The following PEX1 variants were observed in gnomAD, a reference collection of about 807,000 sequenced individuals.
The protein encoded by PEX1 is peroxisomal biogenesis factor 1.
PEX1 carries 97 observed loss-of-function variants against 152.5 expected under a neutral mutation model. That is an observed-to-expected ratio of 0.64 (90% CI 0.54 to 0.75). The LOEUF is 0.75. Ranked by LOEUF, PEX1 falls within the 30% of genes least tolerant of loss-of-function variation. PEX1 has a pLI of 0.00. For missense variants in PEX1, 1,357 were observed against 1,516.3 expected (o/e 0.89, Z 1.74); for synonymous variants, 485 against 531.6 (o/e 0.91, Z 1.21).
At chr7:92,521,625 G>C (rs1435919891) in intron 2 of PEX1, among the ~76,000 whole-genome samples, 2 of 151,782 alleles carry the variant, frequency 1.3e-5, no homozygotes, top group African/African-American at 2.4e-5. Flanking sequence ...AGTAGAGAGG[G>C]GGGGTTTCAC....
intron 10 of PEX1, 88 bp from the exon 11 acceptor site, chr7:92,506,432 T>C (rs1792194177): frequency 2.4e-6 from 2 of 846,516 alleles, no homozygotes; most frequent in Non-Finnish European, 4.1e-6. Flanking sequence ...AGATTCAGCC[T>C]CAATTTTATA....
At chr7:92,527,355 T>C (rs1171121695) in intron 1 of PEX1, among the ~76,000 whole-genome samples, 3 of 152,200 alleles carry the variant, frequency 2.0e-5, no homozygotes, top group African/African-American at 4.8e-5. Context: ...CAGTGACTGA[T>C]TTGTCTCTAG....
In PEX1 at chr7:92,515,830, C is replaced by A. The variant is rs536295295; in HGVS notation, c.1239+1446G>T. ...CCAACATGGTGAAACCTCGTCCCTA[C>A]TAAAAATACAAAAATTAGCCAGGAG... On this transcript the variant is annotated intron_variant, in intron 5 of 23. Transcript: ENST00000248633. Among the ~76,000 whole-genome samples, 230 of 151,716 alleles carry A rather than the reference C, an allele frequency of 1.5e-3. 1 individual carries two copies. The highest frequency in any genetic ancestry group is 2.8e-3 in the Non-Finnish European group (190 of 67,922).
At chr7:92,502,212 C>G in intron 13 of PEX1, 133 bp from the exon 14 acceptor site, 1 of 662,992 alleles carries the variant, frequency 1.5e-6, no homozygotes, top group African/African-American at 1.8e-5. Context: ...GGGGATGGAG[C>G]AGGGGAGGAA....
rs150978102 is a variant in PEX1 at position 92,509,691 on chromosome 7, A to G, written c.1588-280T>C. 8.0e-3 allele frequency among the ~76,000 whole-genome samples: 1,221 copies of G among 152,298 alleles called. 20 individuals carry two copies. The highest frequency in any genetic ancestry group is 0.028 in the African/African-American group (1,161 of 41,556). The stretch of plus-strand genomic sequence containing the variant: ...TTGTGTCACAATTATCCTTTTCACA[A>G]TTCTTACATTTGTATCTTCTCCAAA... On this transcript the variant is annotated intron_variant, in intron 8 of 23. Transcript: ENST00000248633.
intron 6 of PEX1, among the ~76,000 whole-genome samples, chr7:92,512,479 CAT>C (rs377079535): frequency 6.3e-4 from 95 of 151,972 alleles, no homozygotes; most frequent in African/African-American, 2.2e-3. Flanking sequence ...TGTGCCACCA[CAT>C]GTGTCTAATT....
At chr7:92,520,750 G>C (rs745712176) in intron 2 of PEX1, among the ~76,000 whole-genome samples, 1 of 152,170 alleles carries the variant, frequency 6.6e-6, no homozygotes, top group Non-Finnish European at 1.5e-5. Context: ...CGCACACAGA[G>C]AGAGAGAGAA....
In PEX1 at chr7:92,508,014, C is replaced by G. The variant is rs570893665; in HGVS notation, c.1671-888G>C. Among the ~76,000 whole-genome samples, 4 of 151,582 alleles carry G rather than the reference C, an allele frequency of 2.6e-5. No homozygotes were observed. The South Asian group carries it at 8.3e-4, about 31-fold the overall frequency. On this transcript the variant is annotated intron_variant, in intron 9 of 23. Transcript: ENST00000248633. ...CTAAAAGTTTTGCCCTAATAGAACT[C>G]CTTAAGGAATCTTAACACATAAAAA... is the stretch of plus-strand genomic sequence containing the variant.
At position 92,494,553 on chromosome 7, in the gene PEX1, T is replaced by C. The variant is rs1791550788; in HGVS notation, c.2860A>G (p.Thr954Ala). 6.2e-7 allele frequency: 1 copy of C among 1,613,898 alleles called. No individual in the cohort carries two copies. Among genetic ancestry groups the C allele is most frequent in the Middle Eastern group, 1.6e-4 (1 of 6,062 alleles). The change falls in exon 18 of 24, where the codon ACA becomes GCA. Residue 954 changes from threonine to alanine, a missense_variant. Coordinates refer to ENST00000248633, the MANE Select transcript of PEX1 (RefSeq NM_000466.3). The stretch of plus-strand genomic sequence containing the variant: ...TTAACTACTCGGTCTGTAACTCCTG[T>C]ATTATCATGACCCCGCCGAGGAGCA... ...SIAPRRGHDN[T>A]GVTDRVVNQL...
chr7:92,494,274 C>G lies in PEX1; in HGVS notation c.3030+19G>C, dbSNP rs372197553. ...TGTAGCATTTGTTGGGTTTTGGACT[C>G]TAAATATGAAATTGTCACCTGATCA... On this transcript the variant is annotated intron_variant, in intron 19 of 23. Transcript: ENST00000248633. 3.8e-4 allele frequency: 598 copies of G among 1,576,506 alleles called. No individual in the cohort carries two copies. Among genetic ancestry groups the G allele is most frequent in the Non-Finnish European group, 5.0e-4 (573 of 1,147,336 alleles).
chr7:92,506,537 C>A (rs1183935064), intron 10 of PEX1, 193 bp from the exon 11 acceptor site: 1 of 586,932 alleles, frequency 1.7e-6, no homozygotes, highest in Non-Finnish European at 3.0e-6. Context: ...CAGACAAAGA[C>A]AACACAAAAA....
rs769844398 is a variant in PEX1, at chr7:92,489,316, A to T, written c.3744T>A (p.Asp1248Glu). ...LGHTRPSISE[D>E]DWKNFAELYE... The stretch of plus-strand genomic sequence containing the variant: ...ACAGCTCAGCAAAATTCTTCCAGTC[A>T]TCTTCACTAATGGATGGTCTTGTGT... The change falls in exon 23 of 24, where the codon GAT (aspartate) becomes GAA (glutamate). Residue 1248 changes from aspartate to glutamate, a missense_variant. Coordinates refer to ENST00000248633, the MANE Select transcript of PEX1 (RefSeq NM_000466.3). The T allele has an allele frequency of 6.2e-7, 1 of 1,613,702 alleles. No homozygotes were observed. Among genetic ancestry groups the T allele is most frequent in the Non-Finnish European group, 8.5e-7 (1 of 1,179,704 alleles).
At chr7:92,489,253 T>TA (rs1444081518) in intron 23 of PEX1, 40 bp downstream of exon 23, 1 of 1,570,302 alleles carries the variant, frequency 6.4e-7, no homozygotes, top group Admixed American at 1.7e-5. Flanking sequence ...ATGTCACTTG[T>TA]AATAGTAGCT....
chr7:92,499,729 C>T lies in PEX1; in HGVS notation c.2693G>A (p.Ser898Asn), dbSNP rs1791831263. Residue 898 changes from serine (S) to asparagine (N), a missense_variant, in exon 16 of 24, where the codon AGT becomes AAT. Transcript: ENST00000248633. ...TLLAGVIARE[S>N]RMNFISVKGP... ...CTTGACACTTATAAAATTCATTCTA[C>T]TCTCTCGTGCAATTACCCCAGCTAG... 1.2e-6 allele frequency: 2 copies of T among 1,613,194 alleles called. No homozygotes were observed. Among genetic ancestry groups the T allele is most frequent in the Admixed American group, 3.3e-5 (2 of 60,012 alleles).
intron 12 of PEX1, among the ~76,000 whole-genome samples, 168 bp from the exon 13 acceptor site, chr7:92,503,363 AT>A (rs2116157466): frequency 6.6e-6 from 1 of 152,260 alleles, no homozygotes; most frequent in African/African-American, 2.4e-5. Flanking sequence ...TTATTCCCTG[AT>A]TTATCTATTG....
chr7:92,511,774 T>G, intron 6 of PEX1, 71 bp from the exon 7 acceptor site: 2 of 1,385,290 alleles, frequency 1.4e-6, no homozygotes, highest in Non-Finnish European at 2.0e-6. Flanking sequence ...TATTTTAACA[T>G]CTGATCTTCC....
At chr7:92,506,834 G>A in intron 10 of PEX1, 160 bp downstream of exon 10, 1 of 709,680 alleles carries the variant, frequency 1.4e-6, no homozygotes. Context: ...CAGACACACA[G>A]AAATATTAGT....
In PEX1 at chr7:92,507,995, G is replaced by C. The variant is rs1792282698; in HGVS notation, c.1671-869C>G. Among the ~76,000 whole-genome samples, 6 of 151,984 alleles carry C rather than the reference G, an allele frequency of 3.9e-5. No homozygotes were observed. In the South Asian group the frequency reaches 1.2e-3, roughly 32 times the overall value. Reference sequence around the variant, plus strand: ...CTTTTAAAATATGCAGTTACTAAAAGTTTTGCCCTAATAGAACTCCTTAAG... The same window carrying C: ...CTTTTAAAATATGCAGTTACTAAAACTTTTGCCCTAATAGAACTCCTTAAG... On this transcript the variant is annotated intron_variant, in intron 9 of 23. Transcript: ENST00000248633.
Position 92,528,362 on chromosome 7 carries a change from C to A in PEX1, c.74G>T (p.Arg25Leu). Residue 25 changes from arginine (R) to leucine (L), a missense_variant, in exon 1 of 24, where the codon CGC becomes CTC. Physicochemically the swap from Arg to Leu is moderately radical, Grantham distance 102 (BLOSUM62 -2). Coordinates refer to ENST00000248633, the MANE Select transcript of PEX1 (RefSeq NM_000466.3). Reference sequence around the variant, plus strand: ...CCGCGGCAGGTGGAGGAAGCAGTCGCGAGCGTTGGTGAAGGCCACAGTCAC... The same window carrying A: ...CCGCGGCAGGTGGAGGAAGCAGTCGAGAGCGTTGGTGAAGGCCACAGTCAC... ...AAVTVAFTNARDCFLHLPRRL... is the reference protein window; with the variant it reads ...AAVTVAFTNALDCFLHLPRRL... 1 of 1,585,358 alleles carries A rather than the reference C, an allele frequency of 6.3e-7. No homozygotes were observed. Among genetic ancestry groups the A allele is most frequent in the Non-Finnish European group, 8.6e-7 (1 of 1,167,762 alleles).
Sources: allele counts gnomAD v4.1 joint callset (sites outside exome capture counted in the v4.1 genomes callset), GRCh38; gene constraint gnomAD v4.1.1; transcripts MANE v1.5; gene names NCBI Gene and HGNC (gene_info 2026-07-23, HGNC 2026-07-21).